Variants in GABRA2 observed in about 807,000 individuals in gnomAD.
GABRA2 encodes the protein gamma-aminobutyric acid receptor subunit alpha-2.
In GABRA2, 16 loss-of-function variants were observed where a neutral mutation model predicts 48.7. The observed-to-expected ratio is 0.33, with a 90% CI of 0.22 to 0.50. The LOEUF (loss-of-function observed/expected upper bound fraction) is 0.50, where lower values mean the gene tolerates loss of function less well. Among genes scored for constraint, GABRA2 ranks in the 20% least tolerant of loss-of-function variants. GABRA2 has a pLI of 0.98. For missense variants in GABRA2, 275 were observed against 535.6 expected (o/e 0.51, Z 4.80); for synonymous variants, 185 against 184.5 (o/e 1.00, Z -0.02).
intron 4 of GABRA2, among the ~76,000 whole-genome samples, chr4:46,313,632 C>T (rs1323524084): frequency 2.6e-5 from 4 of 151,698 alleles, no homozygotes; most frequent in East Asian, 1.9e-4. Flanking sequence ...CTTAAGGTAA[C>T]GTACACATTT....
chr4:46,337,023 T>A (rs1425139402), intron 3 of GABRA2, among the ~76,000 whole-genome samples: 5 of 152,108 alleles, frequency 3.3e-5, no homozygotes, highest in African/African-American at 1.2e-4. Context: ...TGCAAAACTA[T>A]GAAAGAACAA....
intron 4 of GABRA2, among the ~76,000 whole-genome samples, chr4:46,330,591 T>TATATATATATATATAGAGAGAGAG (rs1411755120): frequency 1.6e-5 from 2 of 122,682 alleles, no homozygotes; most frequent in East Asian, 3.1e-4. Flanking sequence ...TATATATATA[T>TATATATATATATATAGAGAGAGAG]AGAGAGAGAG....
upstream of GABRA2, chr4:46,390,164 G>C (rs1578265550): frequency 8.8e-6 from 3 of 339,166 alleles, no homozygotes; most frequent in South Asian, 3.5e-4. Flanking sequence ...GGAGGGCTAA[G>C]GAGGTTCCCG....
intron 3 of GABRA2, chr4:46,367,212 C>A (rs1346847847): frequency 6.6e-6 from 1 of 152,010 alleles, no homozygotes; most frequent in African/African-American, 2.4e-5. Context: ...GAAGTCTAAA[C>A]CACTAAAATA....
intron 8 of GABRA2, among the ~76,000 whole-genome samples, chr4:46,272,822 G>A (rs1159303056): frequency 6.6e-6 from 1 of 152,028 alleles, no homozygotes; most frequent in African/African-American, 2.4e-5. Flanking sequence ...GGCCAGAAAA[G>A]GAAGCAGGAG....
chr4:46,247,309 C>T lies in GABRA2; in HGVS notation c.*2999G>A, dbSNP rs1031185245. Among the ~76,000 whole-genome samples, 8 of 151,100 alleles carry T rather than the reference C, an allele frequency of 5.3e-5. No homozygotes were observed. The highest frequency in any genetic ancestry group is 1.9e-4 in the African/African-American group (8 of 41,314). On this transcript the variant is annotated 3_prime_UTR_variant, in exon 10 of 10. Transcript: ENST00000381620. Reference sequence around the variant, plus strand: ...AAAAACAGCCACCTATCCTAGCACACTAGTGGCATCATAGCTCATTAAAGA... The same window carrying T: ...AAAAACAGCCACCTATCCTAGCACATTAGTGGCATCATAGCTCATTAAAGA...
At chr4:46,298,261 T>A (rs532414859) in intron 8 of GABRA2, among the ~76,000 whole-genome samples, 3 of 152,140 alleles carry the variant, frequency 2.0e-5, no homozygotes, top group African/African-American at 7.2e-5. Context: ...TTTTCTTGTT[T>A]CCCAATTTTA....
At chr4:46,285,009 A>G (rs1722265734) in intron 8 of GABRA2, among the ~76,000 whole-genome samples, 1 of 140,208 alleles carries the variant, frequency 7.1e-6, no homozygotes, top group African/African-American at 2.7e-5. Context: ...CAATAATCCA[A>G]TGATGCTGCT....
intron 8 of GABRA2, 23 bp from the exon 9 acceptor site, chr4:46,262,151 C>G (rs200491117): frequency 6.2e-7 from 1 of 1,600,218 alleles, no homozygotes; most frequent in Non-Finnish European, 8.6e-7. Flanking sequence ...AGATAGGAAT[C>G]GAAAACATCA....
chr4:46,369,091 G>A (rs1714492094), intron 3 of GABRA2: 1 of 673,940 alleles, frequency 1.5e-6, no homozygotes, highest in African/African-American at 1.8e-5. Context: ...CTGGCAATAT[G>A]GGAAATAGGG....
chr4:46,358,659 A>T (rs1712611734), intron 3 of GABRA2, among the ~76,000 whole-genome samples: 1 of 152,192 alleles, frequency 6.6e-6, no homozygotes, highest in Admixed American at 6.5e-5. Flanking sequence ...TCTTGTATAG[A>T]AATGGTTGAA....
chr4:46,327,157 C>T (rs1286696015), intron 4 of GABRA2, among the ~76,000 whole-genome samples: 1 of 151,926 alleles, frequency 6.6e-6, no homozygotes, highest in African/African-American at 2.4e-5. Context: ...CTCTTACCTT[C>T]CTCCGCCTCT....
intron 6 of GABRA2, 112 bp downstream of exon 6, chr4:46,310,061 G>C (rs976620884): frequency 1.4e-6 from 1 of 694,524 alleles, no homozygotes; most frequent in African/African-American, 1.8e-5. Flanking sequence ...AAGTCTTATT[G>C]ACAATTGTCA....
At chr4:46,342,544 G>A (rs908259825) in intron 3 of GABRA2, among the ~76,000 whole-genome samples, 1 of 151,876 alleles carries the variant, frequency 6.6e-6, no homozygotes, top group East Asian at 1.9e-4. Flanking sequence ...CTGCTGCCTC[G>A]CTGACCTCTT....
intron 4 of GABRA2, among the ~76,000 whole-genome samples, chr4:46,319,897 T>G (rs902857493): frequency 4.0e-5 from 6 of 151,776 alleles, no homozygotes; most frequent in African/African-American, 1.4e-4. Context: ...TTAAAATTCA[T>G]AACATCCTCA....
intron 4 of GABRA2, among the ~76,000 whole-genome samples, chr4:46,321,886 G>A (rs982336089): frequency 1.3e-5 from 2 of 151,964 alleles, no homozygotes; most frequent in Admixed American, 6.6e-5. Flanking sequence ...GGCCACACAG[G>A]ATACCACAAA....
At chr4:46,371,809 A>C (rs1000540112) in intron 3 of GABRA2, among the ~76,000 whole-genome samples, 3 of 152,166 alleles carry the variant, frequency 2.0e-5, no homozygotes, top group African/African-American at 7.2e-5. Flanking sequence ...AAAAATTATA[A>C]ATCTCTAAGT....
intron 9 of GABRA2, among the ~76,000 whole-genome samples, chr4:46,255,441 C>T (rs507788): frequency 0.6 from 91,229 of 151,222 alleles, 27,966 homozygotes; most frequent in South Asian, 0.76. Flanking sequence ...ATTAAACAGG[C>T]TAAATTTAAA....
intron 4 of GABRA2, among the ~76,000 whole-genome samples, chr4:46,328,369 T>C (rs1441933600): frequency 2.4e-4 from 36 of 151,354 alleles, no homozygotes; most frequent in Admixed American, 2.3e-3. Flanking sequence ...GCTTTTTTTC[T>C]CTCAGGCTAA....
Sources: allele counts gnomAD v4.1 joint callset (sites outside exome capture counted in the v4.1 genomes callset), GRCh38; gene constraint gnomAD v4.1.1; transcripts MANE v1.5; gene names NCBI Gene and HGNC (gene_info 2026-07-23, HGNC 2026-07-21).